Variants in TMEM266 observed in about 807,000 individuals in gnomAD.
The protein encoded by TMEM266 is transmembrane protein 266, also known as Hv1 related protein 1.
In TMEM266, 33 loss-of-function variants were observed where a neutral mutation model predicts 50.5. The observed-to-expected ratio is 0.65, with a 90% confidence interval of 0.50 to 0.87. The LOEUF (loss-of-function observed/expected upper bound fraction) is 0.87, where lower values mean the gene tolerates loss of function less well. Ranked by LOEUF, TMEM266 falls within the 40% of genes least tolerant of loss-of-function variation. The pLI, the probability that TMEM266 is intolerant of heterozygous loss-of-function variation, is 0.00. For synonymous variants in TMEM266, 310 were observed against 292.3 expected, an observed-to-expected ratio of 1.06 and a Z score of -0.62; for missense variants, 655 against 695.1, an observed-to-expected ratio of 0.94 and a Z score of 0.65.
At chr15:76,128,791 C>T (rs1013095116) in intron 1 of TMEM266, among the ~76,000 whole-genome samples, 9 of 152,166 alleles carry the variant, frequency 5.9e-5, no homozygotes, top group African/African-American at 2.2e-4. Flanking sequence ...CTCATCTTTG[C>T]CCTTGTACCA....
chr15:76,202,706 T>C (rs893465722), intron 10 of TMEM266, among the ~76,000 whole-genome samples: 1 of 152,088 alleles, frequency 6.6e-6, no homozygotes, highest in South Asian at 2.1e-4. Flanking sequence ...CAGGGAAGCC[T>C]AGTGGTTTTT....
chr15:76,104,684 TC>T (rs35801939), intron 1 of TMEM266, among the ~76,000 whole-genome samples: 1 of 152,122 alleles, frequency 6.6e-6, no homozygotes, highest in Admixed American at 6.5e-5. Flanking sequence ...TTGCTCGATT[TC>T]CCAGGGAAAT....
At chr15:76,084,704 A>T (rs2955735) in intron 1 of TMEM266, among the ~76,000 whole-genome samples, 1 of 151,334 alleles carries the variant, frequency 6.6e-6, no homozygotes, top group Non-Finnish European at 1.5e-5. Context: ...GGGTTCAAGC[A>T]ATTCTTCTGC....
At chr15:76,097,378 G>A (rs1235965298) in intron 1 of TMEM266, among the ~76,000 whole-genome samples, 1 of 152,008 alleles carries the variant, frequency 6.6e-6, no homozygotes, top group Non-Finnish European at 1.5e-5. Flanking sequence ...ATGCAGCTTA[G>A]TTTGGCTGGA....
chr15:76,091,692 A>T (rs867635428), intron 1 of TMEM266, among the ~76,000 whole-genome samples: 1 of 152,150 alleles, frequency 6.6e-6, no homozygotes. Context: ...AGAAGGATAA[A>T]GAAAAACCTA....
At chr15:76,177,590 A>C (rs2038307856) in intron 8 of TMEM266, among the ~76,000 whole-genome samples, 2 of 152,254 alleles carry the variant, frequency 1.3e-5, no homozygotes, top group Non-Finnish European at 2.9e-5. Flanking sequence ...TATGCGTGAC[A>C]AGAGGGGTCA....
At chr15:76,107,033 T>C (rs910718719) in intron 1 of TMEM266, among the ~76,000 whole-genome samples, 4 of 152,228 alleles carry the variant, frequency 2.6e-5, no homozygotes, top group African/African-American at 9.6e-5. Context: ...CAGTAGAGTA[T>C]GCTTTTGTTT....
At chr15:76,172,153 C>A (rs1413324018) in intron 7 of TMEM266, among the ~76,000 whole-genome samples, 1 of 152,134 alleles carries the variant, frequency 6.6e-6, no homozygotes, top group Non-Finnish European at 1.5e-5. Flanking sequence ...GACAGTGGTT[C>A]CCAGGATGTT....
chr15:76,118,354 G>A (rs2037284731), intron 1 of TMEM266, among the ~76,000 whole-genome samples: 1 of 152,196 alleles, frequency 6.6e-6, no homozygotes, highest in African/African-American at 2.4e-5. Flanking sequence ...TTGCAGTCAG[G>A]AGTTTGAGAC....
Position 76,180,555 on chromosome 15 carries a change from C to T in TMEM266, c.768+4881C>T, listed in dbSNP as rs957254119. On this transcript the variant is annotated intron_variant, in intron 8 of 10. Coordinates refer to ENST00000388942, the MANE Select transcript of TMEM266 (RefSeq NM_152335.3). ...GGCCTGGATCACCCGGCTGGGGCAG[C>T]GTGGGTCAGGTGTCTCCACTGCACA... Among the ~76,000 whole-genome samples the T allele has an allele frequency of 6.3e-5, 9 of 141,770 alleles. No individual in the cohort carries two copies. In the East Asian group the frequency reaches 9.4e-4, roughly 15 times the overall value. 93.0% of individuals were successfully genotyped at this position (141,770 alleles called of 152,430 possible).
At chr15:76,158,626 C>T (rs1052932203) in intron 4 of TMEM266, among the ~76,000 whole-genome samples, 7 of 152,136 alleles carry the variant, frequency 4.6e-5, no homozygotes, top group East Asian at 3.9e-4. Context: ...TTCCATAAAA[C>T]GCACAATCAG....
chr15:76,089,379 G>A (rs1172721175), intron 1 of TMEM266, among the ~76,000 whole-genome samples: 1 of 151,826 alleles, frequency 6.6e-6, no homozygotes, highest in African/African-American at 2.4e-5. Flanking sequence ...ATTTTTAGTA[G>A]AGACGGGGTT....
intron 10 of TMEM266, among the ~76,000 whole-genome samples, chr15:76,202,700 G>A (rs1286303149): frequency 6.6e-6 from 1 of 152,134 alleles, no homozygotes; most frequent in Non-Finnish European, 1.5e-5. Flanking sequence ...AAACCTCAGG[G>A]AAGCCTAGTG....
At chr15:76,133,646 C>G (rs746784961) in intron 1 of TMEM266, among the ~76,000 whole-genome samples, 1 of 152,106 alleles carries the variant, frequency 6.6e-6, no homozygotes, top group Non-Finnish European at 1.5e-5. Context: ...GAGTGAGGCT[C>G]TGACTGTGGC....
intron 1 of TMEM266, among the ~76,000 whole-genome samples, chr15:76,129,742 A>C (rs1191992512): frequency 6.6e-6 from 1 of 152,190 alleles, no homozygotes; most frequent in Non-Finnish European, 1.5e-5. Flanking sequence ...CAAATGACTC[A>C]GTTTTTCCAA....
chr15:76,079,093 C>G (rs964881828), intron 1 of TMEM266, among the ~76,000 whole-genome samples: 4 of 152,240 alleles, frequency 2.6e-5, no homozygotes, highest in African/African-American at 9.6e-5. Context: ...TGGCTCACGC[C>G]TATAATCCCA....
intron 7 of TMEM266, among the ~76,000 whole-genome samples, chr15:76,171,812 T>C (rs1006400088): frequency 6.6e-6 from 1 of 152,212 alleles, no homozygotes; most frequent in African/African-American, 2.4e-5. Flanking sequence ...AGCTGTGCCC[T>C]GACCTGGGTG....
chr15:76,201,009 TGGGTC>T (rs1289294374), intron 9 of TMEM266, among the ~76,000 whole-genome samples: 2 of 152,090 alleles, frequency 1.3e-5, no homozygotes. Flanking sequence ...CAGAACACAG[TGGGTC>T]TGCTGACCCC....
chr15:76,062,282 G>A (rs1425719987), intron 1 of TMEM266, among the ~76,000 whole-genome samples: 1 of 152,192 alleles, frequency 6.6e-6, no homozygotes, highest in Non-Finnish European at 1.5e-5. Flanking sequence ...TATTAAGTAG[G>A]AAATATAAGA....
Sources: gnomAD v4.1 joint callset for allele counts (sites outside exome capture counted in the v4.1 genomes callset) on GRCh38, gnomAD v4.1.1 for gene constraint, MANE v1.5 for transcripts, NCBI Gene and HGNC (gene_info 2026-07-23, HGNC 2026-07-21) for gene names.